Variants in PAX2 observed in about 807,000 individuals in gnomAD.
PAX2 encodes the protein paired box 2.
Under a neutral mutation model 41.7 loss-of-function variants are expected in PAX2, and 9 were observed. The observed-to-expected ratio is 0.22, with a 90% CI of 0.13 to 0.38. PAX2 has a LOEUF of 0.38. Ranked by LOEUF, PAX2 falls within the 10% of genes least tolerant of loss-of-function variation. The pLI is 1.00. For missense variants in PAX2, 418 were observed against 531.6 expected, an observed-to-expected ratio of 0.79 and a Z score of 2.10; for synonymous variants, 221 against 212.7, an observed-to-expected ratio of 1.04 and a Z score of -0.34.
At chr10:100,772,939 G>T (rs1281560051) in intron 3 of PAX2, among the ~76,000 whole-genome samples, 1 of 152,222 alleles carries the variant, frequency 6.6e-6, no homozygotes, top group Admixed American at 6.5e-5. Flanking sequence ...GGTCCAGCAG[G>T]TGTTAATACT....
In PAX2 at chr10:100,750,074, G is replaced by T. The variant is rs1006744080; in HGVS notation, c.212+160G>T. Among the ~76,000 whole-genome samples, 1 of 152,246 alleles carries T rather than the reference G, an allele frequency of 6.6e-6. No homozygotes were observed. Among genetic ancestry groups the T allele is most frequent in the African/African-American group, 2.4e-5 (1 of 41,466 alleles). ...GTGCTCCTTTTGGAGAGAGTGTTCA[G>T]ATGGTGGCTGAAGACCCAGGAGCGA... On this transcript the variant is annotated intron_variant, in intron 2 of 9. Transcript: ENST00000355243. This position sits in a 1 kb window ranked among gnomAD's most constrained non-coding sequence, Gnocchi z 4.1.
At position 100,749,778 on chromosome 10, in the gene PAX2, G is replaced by A. The variant is rs1022509510; in HGVS notation, c.76G>A (p.Val26Met). Residue 26 changes from valine (V) to methionine (M), a missense_variant, in exon 2 of 10, where the codon GTG (valine) becomes ATG (methionine). This residue lies in a region of PAX2 where 108 missense variants were observed against 206.3 expected (regional missense o/e 0.52). Coordinates refer to ENST00000355243, the MANE Select transcript of PAX2 (RefSeq NM_000278.5). ...CGGGGGTGTGAACCAGCTCGGGGGGGTGTTTGTGAACGGCCGGCCCCTACC... is the reference window on the plus strand; with the variant it reads ...CGGGGGTGTGAACCAGCTCGGGGGGATGTTTGTGAACGGCCGGCCCCTACC... ...GHGGVNQLGG[V>M]FVNGRPLPDV... 9 of 1,611,970 alleles carry A rather than the reference G, an allele frequency of 5.6e-6. No individual in the cohort carries two copies. The highest frequency in any genetic ancestry group is 3.3e-5 in the Admixed American group (2 of 59,886).
intron 5 of PAX2, among the ~76,000 whole-genome samples, chr10:100,786,301 A>G (rs1230218524): frequency 6.6e-6 from 1 of 152,232 alleles, no homozygotes; most frequent in African/African-American, 2.4e-5. Context: ...CACTTGGGCC[A>G]CATGTCATCT....
At chr10:100,793,368 G>A (rs1453515217) in intron 5 of PAX2, among the ~76,000 whole-genome samples, 1 of 152,182 alleles carries the variant, frequency 6.6e-6, no homozygotes, top group African/African-American at 2.4e-5. Flanking sequence ...CCCCGGGTCT[G>A]TCCTCCCTCT....
At chr10:100,768,953 C>T (rs917828919) in intron 3 of PAX2, among the ~76,000 whole-genome samples, 2 of 152,190 alleles carry the variant, frequency 1.3e-5, no homozygotes, top group Non-Finnish European at 2.9e-5. Flanking sequence ...ATTATAATGC[C>T]TTTCATACAG....
At position 100,755,490 on chromosome 10, in the gene PAX2, C is replaced by G. The variant is rs116751746; in HGVS notation, c.410+4599C>G. ...AATAGTGTCCCAACTGTTCTGAGAA[C>G]TCAATAAAACAATCACATCAAATAT... On this transcript the variant is annotated intron_variant, in intron 3 of 9. Coordinates refer to ENST00000355243, the MANE Select transcript of PAX2 (RefSeq NM_000278.5). 4.8e-3 allele frequency among the ~76,000 whole-genome samples: 738 copies of G among 152,318 alleles called. 4 individuals carry two copies. Among genetic ancestry groups the G allele is most frequent in the African/African-American group, 0.017 (709 of 41,556 alleles).
At chr10:100,822,863 G>T (rs1241119831) in intron 7 of PAX2, among the ~76,000 whole-genome samples, 1 of 152,176 alleles carries the variant, frequency 6.6e-6, no homozygotes, top group Non-Finnish European at 1.5e-5. Context: ...AGCTTTAAAA[G>T]CCACAGAGTT....
chr10:100,774,536 T>C (rs1394283315), intron 3 of PAX2, among the ~76,000 whole-genome samples: 3 of 152,054 alleles, frequency 2.0e-5, no homozygotes, highest in Non-Finnish European at 4.4e-5. Flanking sequence ...GGCACCTGCA[T>C]TGACCAGTCT....
chr10:100,776,613 C>T (rs1486063040), intron 3 of PAX2, among the ~76,000 whole-genome samples: 3 of 152,202 alleles, frequency 2.0e-5, no homozygotes, highest in Non-Finnish European at 4.4e-5. Context: ...CTGACAGTCT[C>T]CTAAATCCAT....
intron 5 of PAX2, among the ~76,000 whole-genome samples, chr10:100,795,923 C>G (rs953295331): frequency 1.3e-5 from 2 of 152,228 alleles, no homozygotes; most frequent in African/African-American, 4.8e-5. Context: ...CCTTCTCTCT[C>G]AATATTACAT....
intron 3 of PAX2, among the ~76,000 whole-genome samples, chr10:100,753,071 A>T (rs1047261039): frequency 1.3e-5 from 2 of 152,208 alleles, no homozygotes; most frequent in Admixed American, 1.3e-4. Context: ...TTGGGTGTGG[A>T]GAAATAGCCA....
chr10:100,801,593 C>G (rs920038095), intron 5 of PAX2, among the ~76,000 whole-genome samples: 1 of 152,274 alleles, frequency 6.6e-6, no homozygotes, highest in Admixed American at 6.5e-5. Flanking sequence ...CTGCCCACCC[C>G]TGCTAGTTAT....
In PAX2 at chr10:100,827,220, G is replaced by T; in HGVS notation, c.1108+125G>T. On this transcript the variant is annotated intron_variant, in intron 9 of 9. Transcript: ENST00000355243. The surrounding 1 kb of genome is among the most constrained non-coding windows in gnomAD (Gnocchi z 8.5). ...CCAGGGGGACAGGCTTGTTAGTGCA[G>T]CACTGAGGCCCGGGGACCCCTCGAG... The T allele has an allele frequency of 1.3e-6, 1 of 796,086 alleles. No individual in the cohort carries two copies. Among genetic ancestry groups the T allele is most frequent in the Non-Finnish European group, 2.1e-6 (1 of 467,316 alleles). 49.3% of individuals were successfully genotyped at this position (796,086 alleles called of 1,614,324 possible). A position where few individuals can be genotyped will look rare whatever the true frequency, so the allele number is the denominator to read the frequency against.
At chr10:100,785,919 A>G (rs116759599) in intron 5 of PAX2, among the ~76,000 whole-genome samples, 33 of 152,266 alleles carry the variant, frequency 2.2e-4, no homozygotes, top group African/African-American at 7.5e-4. Flanking sequence ...CATCAGCTCA[A>G]TCTTCTCCTC....
chr10:100,789,714 CATTT>C (rs1015093562), intron 5 of PAX2, among the ~76,000 whole-genome samples: 48 of 152,256 alleles, frequency 3.2e-4, no homozygotes, highest in African/African-American at 1.1e-3. Context: ...AAAAAAAACT[CATTT>C]ATGAACACAC....
chr10:100,807,654 T>TC (rs1847841769), intron 6 of PAX2, among the ~76,000 whole-genome samples: 1 of 152,052 alleles, frequency 6.6e-6, no homozygotes, highest in African/African-American at 2.4e-5. Context: ...AGCATATGCC[T>TC]CCACCCACAT....
At chr10:100,823,448 A>G (rs1318265262) in intron 7 of PAX2, among the ~76,000 whole-genome samples, 2 of 152,182 alleles carry the variant, frequency 1.3e-5, no homozygotes, top group African/African-American at 4.8e-5. Flanking sequence ...GGAGAGTAGC[A>G]AAGAGAGAGA....
chr10:100,826,003 G>A lies in PAX2; in HGVS notation c.1022-1006G>A, dbSNP rs1848546293. 6.6e-6 allele frequency among the ~76,000 whole-genome samples: 1 copy of A among 151,868 alleles called. No individual in the cohort carries two copies. The highest frequency in any genetic ancestry group is 1.5e-5 in the Non-Finnish European group (1 of 67,952). ...GTCTGCAGGGAGGTGGGGAAGAGGG[G>A]AGCCGCAGAGAGCTCGTGGTGTCGA... On this transcript the variant is annotated intron_variant, in intron 8 of 9. Coordinates refer to ENST00000355243, the MANE Select transcript of PAX2 (RefSeq NM_000278.5). This position sits in a 1 kb window ranked among gnomAD's most constrained non-coding sequence, Gnocchi z 5.5.
At chr10:100,798,056 C>T (rs1006713619) in intron 5 of PAX2, among the ~76,000 whole-genome samples, 15 of 151,214 alleles carry the variant, frequency 9.9e-5, no homozygotes, top group South Asian at 4.2e-4. Flanking sequence ...GGTCTTGCCC[C>T]GAGCCAAGGT....
Sources: allele counts gnomAD v4.1 joint callset (sites outside exome capture counted in the v4.1 genomes callset), GRCh38; gene constraint gnomAD v4.1.1; regional missense constraint gnomAD v4.1.1; non-coding constraint Gnocchi (gnomAD v3.1); transcripts MANE v1.5; gene names NCBI Gene and HGNC (gene_info 2026-07-23, HGNC 2026-07-21).